The following HECTD4 variants were observed in gnomAD, a reference collection of about 807,000 sequenced individuals.
HECTD4 encodes the protein probable E3 ubiquitin-protein ligase HECTD4.
Under a neutral mutation model 471.5 loss-of-function variants are expected in HECTD4, and 114 were observed. The ratio of observed to expected loss-of-function variants is 0.24; its 90% confidence interval spans 0.21 to 0.28. The LOEUF (loss-of-function observed/expected upper bound fraction) is 0.28, where lower values mean the gene tolerates loss of function less well. HECTD4 is among the 10% of genes least tolerant of loss of function. HECTD4 has a pLI of 1.00. For synonymous variants in HECTD4, 2,012 were observed against 2,256.0 expected, an observed-to-expected ratio of 0.89 and a Z score of 3.07; for missense variants, 3,866 against 5,651.5, an observed-to-expected ratio of 0.68 and a Z score of 10.13.
chr12:112,314,249 A>G (rs1241422190), intron 3 of HECTD4, among the ~76,000 whole-genome samples: 1 of 152,214 alleles, frequency 6.6e-6, no homozygotes, highest in Non-Finnish European at 1.5e-5. Context: ...ACATAGAACT[A>G]AAAAATAATG....
rs370690857 is a variant in HECTD4 at position 112,269,790 on chromosome 12, C to T, written c.2235G>A (p.Arg745=). ...QTERNRDIIR[R]SGLLLWQLLM... The stretch of plus-strand genomic sequence containing the variant: ...ACAACTGCCAAAGAAGCAATCCCGA[C>T]CGTCGAATGATGTCTCGATTCCTTT... The change falls in exon 13 of 76, where the codon CGG becomes CGA. Residue 745 remains arginine (R), a synonymous_variant. Transcript: ENST00000682272. 20 of 1,613,922 alleles carry T rather than the reference C, an allele frequency of 1.2e-5. No individual in the cohort carries two copies. The highest frequency in any genetic ancestry group is 5.3e-5 in the African/African-American group (4 of 75,052).
At chr12:112,209,956 T>G (rs963715717) in intron 50 of HECTD4, 59 bp downstream of exon 50, 6 of 1,377,192 alleles carry the variant, frequency 4.4e-6, no homozygotes, top group South Asian at 1.2e-5. Context: ...TTTATGGAAT[T>G]CATAACATTC....
intron 7 of HECTD4, among the ~76,000 whole-genome samples, chr12:112,295,023 G>A (rs551208140): frequency 1.3e-5 from 2 of 151,926 alleles, no homozygotes; most frequent in South Asian, 2.1e-4. Context: ...TTCTAGCACC[G>A]GAGGGCGCAG....
At chr12:112,326,869 A>C (rs1205466788) in intron 1 of HECTD4, among the ~76,000 whole-genome samples, 1 of 152,134 alleles carries the variant, frequency 6.6e-6, no homozygotes, top group Non-Finnish European at 1.5e-5. Flanking sequence ...GTCTATACAA[A>C]TATATATACA....
chr12:112,346,079 G>A (rs1303710807), intron 1 of HECTD4, among the ~76,000 whole-genome samples: 2 of 152,212 alleles, frequency 1.3e-5, no homozygotes, highest in Non-Finnish European at 2.9e-5. Flanking sequence ...ACCACAGCAT[G>A]AGGTAGCTAA....
Position 112,251,062 on chromosome 12 carries a change from A to G in HECTD4, c.3625T>C (p.Cys1209Arg). The G allele has an allele frequency of 6.2e-7, 1 of 1,614,032 alleles. No individual in the cohort carries two copies. Among genetic ancestry groups the G allele is most frequent in the Non-Finnish European group, 8.5e-7 (1 of 1,179,894 alleles). The change falls in exon 24 of 76, where the codon TGT becomes CGT. Residue 1209 changes from cysteine (C) to arginine (R), a missense_variant. By Grantham distance (180) the Cys-to-Arg change is radical (BLOSUM62 -3). Transcript: ENST00000682272. ...TTGTACAGGATTCTTAACATGGAAC[A>G]AGCTAACACAGACAGACCTAAAGCC... ...DLALGLSVLA[C>R]SMLRILYNGP...
chr12:112,209,955 T>C, intron 50 of HECTD4, 60 bp downstream of exon 50: 1 of 1,367,318 alleles, frequency 7.3e-7, no homozygotes, highest in Non-Finnish European at 1.0e-6. Flanking sequence ...GTTTATGGAA[T>C]TCATAACATT....
intron 1 of HECTD4, among the ~76,000 whole-genome samples, chr12:112,364,751 T>A (rs575922685): frequency 1.3e-5 from 2 of 152,286 alleles, no homozygotes; most frequent in South Asian, 2.1e-4. Flanking sequence ...ATAAAAATTT[T>A]AAAAATAAAA....
Position 112,171,081 on chromosome 12 carries a change from T to C in HECTD4, c.11932+36A>G, listed in dbSNP as rs1273928418. 8 of 1,566,724 alleles carry C rather than the reference T, an allele frequency of 5.1e-6. No individual in the cohort carries two copies. In the African/African-American group the frequency reaches 6.8e-5, roughly 13 times the overall value. ...CCTGGTGTCTTGCAGGTCACCTCTC[T>C]CTTCCTGCAGGGCCAGGGCAGGTGC... On this transcript the variant is annotated intron_variant, in intron 68 of 75. Coordinates refer to ENST00000682272, the MANE Select transcript of HECTD4 (RefSeq NM_001388303.1).
At chr12:112,182,978 G>T (rs749046845) in intron 62 of HECTD4, 81 bp downstream of exon 62, 67 of 1,008,630 alleles carry the variant, frequency 6.6e-5, no homozygotes, top group Non-Finnish European at 9.6e-5. Flanking sequence ...GAGGGGAGGA[G>T]ATTTTAATGC....
At chr12:112,328,898 A>C (rs1442013868) in intron 1 of HECTD4, among the ~76,000 whole-genome samples, 2 of 152,200 alleles carry the variant, frequency 1.3e-5, no homozygotes, top group East Asian at 1.9e-4. Context: ...TAGATTTTTT[A>C]GTTTTGGCTA....
At chr12:112,367,599 C>T (rs1031166336) in intron 1 of HECTD4, among the ~76,000 whole-genome samples, 22 of 151,658 alleles carry the variant, frequency 1.5e-4, no homozygotes, top group African/African-American at 5.3e-4. Flanking sequence ...GTGGGTGGAT[C>T]ATCTGAGGTC....
At chr12:112,376,389 G>A (rs1293750490) in intron 1 of HECTD4, among the ~76,000 whole-genome samples, 1 of 152,064 alleles carries the variant, frequency 6.6e-6, no homozygotes, top group East Asian at 1.9e-4. Context: ...TGGGACTACA[G>A]GCGCCCGCCA....
chr12:112,366,790 G>A (rs1349579916), intron 1 of HECTD4, among the ~76,000 whole-genome samples: 1 of 149,092 alleles, frequency 6.7e-6, no homozygotes, highest in Non-Finnish European at 1.5e-5. Flanking sequence ...TAAGGCAGGA[G>A]AATCGCTTGA....
intron 44 of HECTD4, among the ~76,000 whole-genome samples, chr12:112,221,747 CTTTTT>C: frequency 6.6e-6 from 1 of 150,934 alleles, no homozygotes; most frequent in East Asian, 1.9e-4. Context: ...TCTTGTTTTT[CTTTTT>C]CTTTTCTTTT....
intron 9 of HECTD4, among the ~76,000 whole-genome samples, chr12:112,277,170 A>C (rs2034544240): frequency 6.6e-6 from 1 of 152,254 alleles, no homozygotes; most frequent in Non-Finnish European, 1.5e-5. Context: ...CAAAAAGTAG[A>C]AACAACTCAA....
intron 43 of HECTD4, among the ~76,000 whole-genome samples, chr12:112,227,341 T>A (rs2033266330): frequency 6.6e-6 from 1 of 151,986 alleles, no homozygotes; most frequent in African/African-American, 2.4e-5. Flanking sequence ...GCGCCTGTAA[T>A]CCCAGCTACT....
At chr12:112,344,849 T>C (rs1220438231) in intron 1 of HECTD4, among the ~76,000 whole-genome samples, 2 of 151,890 alleles carry the variant, frequency 1.3e-5, no homozygotes, top group African/African-American at 4.8e-5. Flanking sequence ...ACCTGGGAGA[T>C]ACAGGTTGCA....
Position 112,184,576 on chromosome 12 carries a change from G to T in HECTD4, c.10390C>A (p.Pro3464Thr). 6.2e-7 allele frequency: 1 copy of T among 1,613,762 alleles called. No homozygotes were observed. Among genetic ancestry groups the T allele is most frequent in the African/African-American group, 1.3e-5 (1 of 75,050 alleles). ...CTGACCTCCATGCTGTCTGTGCCGG[G>T]GAAGGCCAGTGTCTTCTCGGGCTCA... ...KVEPEKTLAF[P>T]GTDSMEVSTS... Residue 3464 changes from proline to threonine, a missense_variant, in exon 61 of 76, where the codon CCC (proline) becomes ACC (threonine). Transcript: ENST00000682272. The surrounding 1 kb of genome is among the most constrained non-coding windows in gnomAD (Gnocchi z 9.1).
Sources: gnomAD v4.1 joint callset for allele counts (sites outside exome capture counted in the v4.1 genomes callset) on GRCh38, gnomAD v4.1.1 for gene constraint, Gnocchi (gnomAD v3.1) non-coding constraint, MANE v1.5 for transcripts, NCBI Gene and HGNC (gene_info 2026-07-23, HGNC 2026-07-21) for gene names.